GPC6: variants seen among roughly 807,000 people sequenced by gnomAD.
The protein encoded by GPC6 is glypican 6.
A neutral mutation model predicts 55.2 loss-of-function variants in GPC6; 14 were observed. The ratio of observed to expected loss-of-function variants is 0.25; its 90% confidence interval spans 0.17 to 0.40. The LOEUF (loss-of-function observed/expected upper bound fraction) is 0.40, where lower values mean the gene tolerates loss of function less well. Ranked by LOEUF, GPC6 falls within the 10% of genes least tolerant of loss-of-function variation. The probability of loss-of-function intolerance (pLI) is 1.00; values close to 1 mark genes in which losing one functional copy is unlikely to be tolerated. For synonymous variants in GPC6, 278 were observed against 259.6 expected, an observed-to-expected ratio of 1.07 and a Z score of -0.68; for missense variants, 641 against 708.5, an observed-to-expected ratio of 0.90 and a Z score of 1.08.
chr13:93,967,122 G>A (rs568680422), intron 3 of GPC6, among the ~76,000 whole-genome samples: 12 of 152,310 alleles, frequency 7.9e-5, no homozygotes, highest in African/African-American at 2.6e-4. Context: ...ATTCACACAT[G>A]TGGTGGTTTT....
chr13:94,155,181 A>G (rs1246079174), intron 4 of GPC6, among the ~76,000 whole-genome samples: 3 of 151,926 alleles, frequency 2.0e-5, no homozygotes, highest in African/African-American at 7.3e-5. Context: ...GTGGTAACCT[A>G]TAGTCACCCC....
At chr13:93,778,031 C>T (rs1375506097) in intron 2 of GPC6, among the ~76,000 whole-genome samples, 4 of 152,038 alleles carry the variant, frequency 2.6e-5, no homozygotes, top group African/African-American at 7.2e-5. Context: ...GGTAATTAAT[C>T]CTTGCTTTGC....
intron 2 of GPC6, among the ~76,000 whole-genome samples, chr13:93,734,113 G>GAA (rs11410920): frequency 6.6e-6 from 1 of 151,938 alleles, no homozygotes; most frequent in East Asian, 1.9e-4. Context: ...GTTTTGGGTT[G>GAA]AAAATGAAAA....
intron 4 of GPC6, among the ~76,000 whole-genome samples, chr13:94,237,454 A>C (rs1157388085): frequency 6.6e-6 from 1 of 152,156 alleles, no homozygotes; most frequent in Non-Finnish European, 1.5e-5. Context: ...CAGATAAATA[A>C]TTAACACATT....
chr13:93,530,389 T>C (rs1881820424), intron 1 of GPC6, among the ~76,000 whole-genome samples: 1 of 152,206 alleles, frequency 6.6e-6, no homozygotes, highest in Non-Finnish European at 1.5e-5. Flanking sequence ...TTCATTACTG[T>C]ACTTTGGCAG....
chr13:93,846,269 C>G (rs1211249869), intron 3 of GPC6, among the ~76,000 whole-genome samples: 1 of 152,128 alleles, frequency 6.6e-6, no homozygotes, highest in Non-Finnish European at 1.5e-5. Flanking sequence ...ACTTGCCAGC[C>G]ACTATGCTAA....
In GPC6 at chr13:94,238,149, A is replaced by G. The variant is rs142646005; in HGVS notation, c.878-48200A>G. On this transcript the variant is annotated intron_variant, in intron 4 of 8. Transcript: ENST00000377047. ...GGATAGAAATAAAGATTCCTTTTTT[A>G]TCCATTTTAAATTGGAGACGGCTTT... 5.6e-3 allele frequency among the ~76,000 whole-genome samples: 855 copies of G among 152,274 alleles called. 3 individuals carry two copies. The highest frequency in any genetic ancestry group is 8.8e-3 in the Non-Finnish European group (599 of 68,026).
chr13:94,331,302 T>A (rs1362395426), intron 6 of GPC6, among the ~76,000 whole-genome samples: 1 of 152,156 alleles, frequency 6.6e-6, no homozygotes, highest in Non-Finnish European at 1.5e-5. Context: ...CACTTAGTCA[T>A]CTCGATAGAG....
chr13:94,068,625 A>C (rs1462308724), intron 4 of GPC6, among the ~76,000 whole-genome samples: 1 of 152,226 alleles, frequency 6.6e-6, no homozygotes, highest in Non-Finnish European at 1.5e-5. Flanking sequence ...GTTACTTCCT[A>C]GATACAATGG....
chr13:94,290,173 G>C (rs1428602367), intron 5 of GPC6, among the ~76,000 whole-genome samples: 1 of 152,036 alleles, frequency 6.6e-6, no homozygotes, highest in Non-Finnish European at 1.5e-5. Flanking sequence ...CTGTAACCCA[G>C]CATTTTGGGA....
intron 2 of GPC6, among the ~76,000 whole-genome samples, chr13:93,728,330 C>T (rs1026542054): frequency 9.2e-5 from 14 of 151,826 alleles, no homozygotes; most frequent in Non-Finnish European, 1.9e-4. Context: ...AATTCTCTGA[C>T]CTGAGCCTCC....
At chr13:93,743,348 A>G (rs1884273464) in intron 2 of GPC6, among the ~76,000 whole-genome samples, 1 of 152,204 alleles carries the variant, frequency 6.6e-6, no homozygotes, top group African/African-American at 2.4e-5. Context: ...TAAAAAAATG[A>G]AATAATAAAA....
At chr13:93,219,610 T>C in the GPC6 span, among the ~76,000 whole-genome samples, 2 of 152,202 alleles carry the variant, frequency 1.3e-5, no homozygotes, top group South Asian at 2.1e-4. Flanking sequence ...CTAGTATCTA[T>C]GGTAATTTAC....
At chr13:93,488,637 T>A (rs759431599) in intron 1 of GPC6, among the ~76,000 whole-genome samples, 1 of 152,150 alleles carries the variant, frequency 6.6e-6, no homozygotes, top group African/African-American at 2.4e-5. Context: ...ACCTGTTGTT[T>A]CCTGACTTTT....
chr13:94,123,529 C>G (rs1886705820), intron 4 of GPC6, among the ~76,000 whole-genome samples: 1 of 152,018 alleles, frequency 6.6e-6, no homozygotes, highest in African/African-American at 2.4e-5. Flanking sequence ...TTATATCTCT[C>G]TCTATTCCTA....
intron 1 of GPC6, among the ~76,000 whole-genome samples, chr13:93,401,441 G>A (rs1020404670): frequency 1.3e-5 from 2 of 151,632 alleles, no homozygotes; most frequent in East Asian, 1.9e-4. Context: ...AACCAGACAT[G>A]TCATATAGTT....
At chr13:93,977,179 G>T (rs919364698) in intron 3 of GPC6, among the ~76,000 whole-genome samples, 5 of 152,046 alleles carry the variant, frequency 3.3e-5, no homozygotes, top group Non-Finnish European at 7.4e-5. Flanking sequence ...AAGTGAACCT[G>T]CACCCAAAAC....
intron 3 of GPC6, among the ~76,000 whole-genome samples, chr13:93,896,306 A>G (rs1165158694): frequency 1.3e-5 from 2 of 152,058 alleles, no homozygotes; most frequent in South Asian, 2.1e-4. Flanking sequence ...TAGAAAAAAA[A>G]TGTTTAAGCC....
intron 2 of GPC6, among the ~76,000 whole-genome samples, chr13:93,587,609 G>A (rs552691357): frequency 1.3e-5 from 2 of 152,222 alleles, no homozygotes; most frequent in Admixed American, 1.3e-4. Context: ...ACCACAAAAT[G>A]CTCCTTTTTT....
Sources: allele counts gnomAD v4.1 joint callset (sites outside exome capture counted in the v4.1 genomes callset), GRCh38; gene constraint gnomAD v4.1.1; transcripts MANE v1.5; gene names NCBI Gene and HGNC (gene_info 2026-07-23, HGNC 2026-07-21).